The following NR6A1 variants were observed in gnomAD, a reference collection of about 807,000 sequenced individuals.
NR6A1 encodes the protein nuclear receptor subfamily 6 group A member 1, also known as retinoic acid receptor-related testis-associated receptor.
Under a neutral mutation model 59.1 loss-of-function variants are expected in NR6A1, and 7 were observed. The ratio of observed to expected loss-of-function variants is 0.12; its 90% CI spans 0.07 to 0.22. NR6A1 has a LOEUF of 0.22. Ranked by LOEUF, NR6A1 falls within the 10% of genes least tolerant of loss-of-function variation. The pLI is 1.00. For missense variants in NR6A1, 468 were observed against 611.6 expected (o/e 0.77, Z 2.48); for synonymous variants, 243 against 236.1 (o/e 1.03, Z -0.27).
At chr9:124,545,044 A>C (rs1262756213) in intron 3 of NR6A1, among the ~76,000 whole-genome samples, 1 of 152,200 alleles carries the variant, frequency 6.6e-6, no homozygotes, top group Non-Finnish European at 1.5e-5. Context: ...CCAGGCAGGG[A>C]CTGATTGCCT....
chr9:124,657,172 G>C (rs1837284045), intron 2 of NR6A1, among the ~76,000 whole-genome samples: 1 of 152,078 alleles, frequency 6.6e-6, no homozygotes, highest in Non-Finnish European at 1.5e-5. Flanking sequence ...ATATCTAATA[G>C]TGCATCAAAA....
chr9:124,767,899 G>C (rs993775344), intron 1 of NR6A1, among the ~76,000 whole-genome samples: 1 of 152,106 alleles, frequency 6.6e-6, no homozygotes, highest in Non-Finnish European at 1.5e-5. Flanking sequence ...CTCTTAAAAT[G>C]AACAAATGCA....
chr9:124,624,912 G>GT (rs71492418), intron 2 of NR6A1, among the ~76,000 whole-genome samples: 80,232 of 134,772 alleles, frequency 0.6, 23,903 homozygotes, highest in African/African-American at 0.74. Context: ...TTGCTAGCTT[G>GT]TTTTTTTTTT....
At chr9:124,743,307 T>C (rs1011716118) in intron 1 of NR6A1, among the ~76,000 whole-genome samples, 2 of 152,172 alleles carry the variant, frequency 1.3e-5, no homozygotes, top group African/African-American at 4.8e-5. Context: ...TAACAGAAAA[T>C]GCTTTTGAAT....
chr9:124,629,596 T>G (rs1409950035), intron 2 of NR6A1, among the ~76,000 whole-genome samples: 3 of 152,208 alleles, frequency 2.0e-5, no homozygotes, highest in Non-Finnish European at 4.4e-5. Flanking sequence ...TTTTCCTTTC[T>G]CGAGGCCATT....
Position 124,550,676 on chromosome 9 carries a change from T to G in NR6A1, c.385+3652A>C, listed in dbSNP as rs572794906. 1.0e-3 allele frequency among the ~76,000 whole-genome samples: 157 copies of G among 152,000 alleles called. 1 individual carries two copies. Among genetic ancestry groups the G allele is most frequent in the African/African-American group, 3.7e-3 (153 of 41,470 alleles). On this transcript the variant is annotated intron_variant, in intron 3 of 9. Coordinates refer to ENST00000487099, the MANE Select transcript of NR6A1 (RefSeq NM_033334.4). ...CCCAGCCCTAATGGTGATTTTTCTATTTCCCTCATTCCTTCTACATTTATA... is the reference window on the plus strand; with the variant it reads ...CCCAGCCCTAATGGTGATTTTTCTAGTTCCCTCATTCCTTCTACATTTATA...
intron 2 of NR6A1, among the ~76,000 whole-genome samples, chr9:124,571,447 A>ACACCG (rs1423533644): frequency 6.6e-6 from 1 of 152,204 alleles, no homozygotes; most frequent in Non-Finnish European, 1.5e-5. Context: ...AGCCCACACC[A>ACACCG]ATCTTTTCTT....
chr9:124,762,396 CCTT>C (rs933403695), intron 1 of NR6A1, among the ~76,000 whole-genome samples: 6 of 152,142 alleles, frequency 3.9e-5, no homozygotes, highest in Admixed American at 2.0e-4. Flanking sequence ...TTGCTAATCT[CCTT>C]AATATCTGGC....
chr9:124,672,412 C>G (rs1837821466), intron 2 of NR6A1, among the ~76,000 whole-genome samples: 1 of 151,958 alleles, frequency 6.6e-6, no homozygotes, highest in South Asian at 2.1e-4. Context: ...GTCAGGAGTT[C>G]TAGACCAGCC....
rs868071660 is a variant in NR6A1, at chr9:124,657,745, C to A, written c.142+75563G>T. On this transcript the variant is annotated intron_variant, in intron 2 of 9. Transcript: ENST00000487099. ...AGGGTCCATGCTTTCATAGCTTCCCCCCCCCAGCAACCCCTAATGTGACTA... is the reference window on the plus strand; with the variant it reads ...AGGGTCCATGCTTTCATAGCTTCCCACCCCCAGCAACCCCTAATGTGACTA... Among the ~76,000 whole-genome samples, 2 of 151,908 alleles carry A rather than the reference C, an allele frequency of 1.3e-5. 1 individual carries two copies. The highest frequency in any genetic ancestry group is 4.1e-4 in the South Asian group (2 of 4,822).
chr9:124,569,758 A>G (rs1834384285), intron 2 of NR6A1, among the ~76,000 whole-genome samples: 1 of 152,234 alleles, frequency 6.6e-6, no homozygotes, highest in African/African-American at 2.4e-5. Context: ...GAATTTAAAC[A>G]CAAATAATAA....
rs149430523 is a variant in NR6A1, at chr9:124,577,490, A to C, written c.143-22920T>G. On this transcript the variant is annotated intron_variant, in intron 2 of 9. Coordinates refer to ENST00000487099, the MANE Select transcript of NR6A1 (RefSeq NM_033334.4). Reference sequence around the variant, plus strand: ...TCCTTTGTGACTTCTCTAATTACTTAGTTCTGGATTATGGAGCCATTAAAT... The same window carrying C: ...TCCTTTGTGACTTCTCTAATTACTTCGTTCTGGATTATGGAGCCATTAAAT... Among the ~76,000 whole-genome samples the C allele has an allele frequency of 5.5e-3, 839 of 152,288 alleles. 6 individuals carry two copies. Among genetic ancestry groups the C allele is most frequent in the African/African-American group, 0.019 (797 of 41,556 alleles).
intron 2 of NR6A1, among the ~76,000 whole-genome samples, chr9:124,684,762 C>T (rs1180280962): frequency 6.6e-6 from 1 of 152,154 alleles, no homozygotes; most frequent in Non-Finnish European, 1.5e-5. Context: ...GAGTTTAGAT[C>T]ACTTTACAGC....
intron 2 of NR6A1, among the ~76,000 whole-genome samples, chr9:124,625,360 C>T (rs1054918355): frequency 1.3e-5 from 2 of 152,202 alleles, no homozygotes; most frequent in Non-Finnish European, 2.9e-5. Context: ...TAGTGTCTCG[C>T]TTTGCCACCC....
At chr9:124,770,754 A>C in intron 1 of NR6A1, among the ~76,000 whole-genome samples, 1 of 137,032 alleles carries the variant, frequency 7.3e-6, no homozygotes. Flanking sequence ...GGAGGGGGAA[A>C]TGAAGCTCGG....
chr9:124,672,240 T>C lies in NR6A1; in HGVS notation c.142+61068A>G, dbSNP rs571711165. On this transcript the variant is annotated intron_variant, in intron 2 of 9. Transcript: ENST00000487099. ...TTTAGTTGTTTCTAGTTTGGGACTA[T>C]TACAGATAATGCTATGATATACATT... 8.5e-5 allele frequency among the ~76,000 whole-genome samples: 13 copies of C among 152,332 alleles called. No individual in the cohort carries two copies. In the South Asian group the frequency reaches 2.3e-3, roughly 27 times the overall value.
intron 2 of NR6A1, among the ~76,000 whole-genome samples, chr9:124,556,206 G>C (rs985988955): frequency 6.6e-6 from 1 of 152,160 alleles, no homozygotes; most frequent in South Asian, 2.1e-4. Flanking sequence ...GAATTATATG[G>C]GTGGGCCCGA....
intron 2 of NR6A1, among the ~76,000 whole-genome samples, chr9:124,573,839 T>C (rs1343670669): frequency 1.3e-5 from 2 of 152,158 alleles, no homozygotes; most frequent in Non-Finnish European, 2.9e-5. Flanking sequence ...CATATGAACA[T>C]ACACATGCAT....
chr9:124,525,284 A>AACACACACACACACACACAC lies in NR6A1; in HGVS notation c.1202-431_1202-412dup, dbSNP rs71492413. On this transcript the variant is annotated intron_variant, in intron 8 of 9. Coordinates refer to ENST00000487099, the MANE Select transcript of NR6A1 (RefSeq NM_033334.4). ...AATACCTACACATTCATGCTTGTAA[A>AACACACACACACACACACAC]ACACACACACACACACACACACACA... Among the ~76,000 whole-genome samples, 52 of 137,396 alleles carry AACACACACACACACACACAC rather than the reference A, an allele frequency of 3.8e-4. 1 individual carries two copies. The highest frequency in any genetic ancestry group is 1.1e-3 in the African/African-American group (39 of 35,938). 90.1% of individuals were successfully genotyped at this position (137,396 alleles called of 152,430 possible).
Sources: allele counts gnomAD v4.1 joint callset (sites outside exome capture counted in the v4.1 genomes callset), GRCh38; gene constraint gnomAD v4.1.1; transcripts MANE v1.5; gene names NCBI Gene and HGNC (gene_info 2026-07-23, HGNC 2026-07-21).